RAG1: variants seen among roughly 807,000 people sequenced by gnomAD.
The protein encoded by RAG1 is recombination activating 1, also known as V(D)J recombination-activating protein 1.
Under a neutral mutation model 62.7 loss-of-function variants are expected in RAG1, and 35 were observed. That is an observed-to-expected ratio of 0.56 (90% CI 0.43 to 0.74). RAG1 has a LOEUF of 0.74. Among genes scored for constraint, RAG1 ranks in the 30% least tolerant of loss-of-function variants. The pLI is 0.00. For synonymous variants in RAG1, 461 were observed against 470.3 expected (o/e 0.98, Z 0.26); for missense variants, 1,169 against 1,278.6 (o/e 0.91, Z 1.31).
chr11:36,576,451 T>G lies in RAG1; in HGVS notation c.*15T>G. On this transcript the variant is annotated 3_prime_UTR_variant, in exon 2 of 2. Coordinates refer to ENST00000299440, the MANE Select transcript of RAG1 (RefSeq NM_000448.3). ...TGGAATTTTAAGTAGGGCAACCACT[T>G]ATGAGTTGGTTTTTGCAATTGAGTT... 4.3e-6 allele frequency: 7 copies of G among 1,613,736 alleles called. No individual in the cohort carries two copies. The highest frequency in any genetic ancestry group is 3.3e-5 in the Admixed American group (2 of 60,018).
intron 3 of RAG1, among the ~76,000 whole-genome samples, chr11:36,561,530 G>A (rs776919441): frequency 6.6e-6 from 1 of 152,152 alleles, no homozygotes; most frequent in Non-Finnish European, 1.5e-5. Context: ...CGGTGTGTCT[G>A]TTAGTGTTTT....
At chr11:36,539,609 A>G (rs1725195433), downstream of RAG1, among the ~76,000 whole-genome samples, 1 of 152,078 alleles carries the variant, frequency 6.6e-6, no homozygotes, top group Admixed American at 6.5e-5. Context: ...CTCAGCCTCC[A>G]GAGTGGCTGG....
chr11:36,548,377 C>T (rs764921738), intron 3 of RAG1, among the ~76,000 whole-genome samples: 11 of 151,702 alleles, frequency 7.3e-5, no homozygotes, highest in African/African-American at 2.4e-4. Context: ...TAGAAAACTC[C>T]GTCTCAGCCC....
chr11:36,536,945 A>G (rs1771030480), downstream of RAG1, among the ~76,000 whole-genome samples: 1 of 127,920 alleles, frequency 7.8e-6, no homozygotes, highest in African/African-American at 3.2e-5. Context: ...TTTTTAGTAG[A>G]GACAGGGTTT....
At chr11:36,518,040 C>T (rs1301451667) in intron 1 of RAG1, among the ~76,000 whole-genome samples, 2 of 137,450 alleles carry the variant, frequency 1.5e-5, no homozygotes. Context: ...TTCCTGTGTT[C>T]ATATGTTCTC....
At chr11:36,535,262 AT>A (rs1860310011) in intron 2 of RAG1, among the ~76,000 whole-genome samples, 2 of 152,168 alleles carry the variant, frequency 1.3e-5, no homozygotes, top group Non-Finnish European at 2.9e-5. Context: ...TTTTGTAAAT[AT>A]TCCATGGATT....
chr11:36,528,089 A>G (rs1199528264), intron 2 of RAG1, among the ~76,000 whole-genome samples: 2 of 152,078 alleles, frequency 1.3e-5, no homozygotes, highest in African/African-American at 4.8e-5. Flanking sequence ...CAGATCAATG[A>G]GACAAAAAAT....
intron 3 of RAG1, among the ~76,000 whole-genome samples, chr11:36,562,190 A>G (rs1249588003): frequency 6.6e-6 from 1 of 152,178 alleles, no homozygotes; most frequent in African/African-American, 2.4e-5. Flanking sequence ...ATTGGGCATG[A>G]GGATTTAGAG....
At chr11:36,572,456 T>C (rs1379906127) in intron 1 of RAG1, among the ~76,000 whole-genome samples, 1 of 152,234 alleles carries the variant, frequency 6.6e-6, no homozygotes, top group Non-Finnish European at 1.5e-5. Context: ...TTACAAACTA[T>C]AGTGCTAATG....
intron 3 of RAG1, among the ~76,000 whole-genome samples, chr11:36,544,068 A>C (rs11033690): frequency 0.047 from 7,219 of 152,308 alleles, 259 homozygotes; most frequent in Non-Finnish European, 0.069. Flanking sequence ...TCCACAATTC[A>C]TGAACCAGTA....
chr11:36,576,034 CCAGTA>C lies in RAG1; in HGVS notation c.2735_2739del (p.Tyr912PhefsTer8). On this transcript the variant is annotated frameshift_variant, in exon 2 of 2. Transcript: ENST00000299440. LOFTEE classifies it high-confidence loss of function. ...CTAAAGAGTGCCCAGAATCCCTCTG[CCAGTA>C]CAGTTTCAATTCACAGCGTTTTGCT... The C allele has an allele frequency of 6.2e-7, 1 of 1,614,136 alleles. No individual in the cohort carries two copies. Among genetic ancestry groups the C allele is most frequent in the Non-Finnish European group, 8.5e-7 (1 of 1,180,048 alleles).
chr11:36,527,267 G>A lies in RAG1; in HGVS notation n.428+7038G>A, dbSNP rs755282921. Among the ~76,000 whole-genome samples, 4 of 152,188 alleles carry A rather than the reference G, an allele frequency of 2.6e-5. No individual in the cohort carries two copies. The South Asian group carries it at 8.3e-4, about 32-fold the overall frequency. The stretch of plus-strand genomic sequence containing the variant: ...TCTTGAGTTAATTTTTGTATAAGGT[G>A]TAAGGAAGTGATCCAGTTTCAGCTT... On this transcript the variant is annotated intron_variant and non_coding_transcript_variant, in intron 2 of 2. Coordinates refer to the RAG1 transcript ENST00000529126.
upstream of RAG1, among the ~76,000 whole-genome samples, chr11:36,565,125 G>T (rs914084175): frequency 1.3e-5 from 2 of 152,174 alleles, no homozygotes; most frequent in South Asian, 4.1e-4. Flanking sequence ...CAAGAGTTTT[G>T]CTAGTTAGAG....
At chr11:36,572,338 G>C (rs4151020) in intron 1 of RAG1, among the ~76,000 whole-genome samples, 1 of 152,112 alleles carries the variant, frequency 6.6e-6, no homozygotes, top group Non-Finnish European at 1.5e-5. Flanking sequence ...TTTCTGCATC[G>C]CTAGCGATCT....
At chr11:36,525,497 T>A (rs969546153) in intron 2 of RAG1, among the ~76,000 whole-genome samples, 1 of 152,188 alleles carries the variant, frequency 6.6e-6, no homozygotes, top group African/African-American at 2.4e-5. Context: ...TTCATACTTT[T>A]ACTATATATG....
At chr11:36,540,017 G>A (rs989204041), downstream of RAG1, among the ~76,000 whole-genome samples, 1 of 152,164 alleles carries the variant, frequency 6.6e-6, no homozygotes, top group African/African-American at 2.4e-5. Flanking sequence ...CTTGCAAGCA[G>A]CAGGTTATTG....
At chr11:36,548,034 A>G (rs550632361) in intron 3 of RAG1, among the ~76,000 whole-genome samples, 9 of 152,352 alleles carry the variant, frequency 5.9e-5, no homozygotes, top group East Asian at 5.8e-4. Context: ...CTACATGATT[A>G]TATCAATAGA....
At chr11:36,531,697 A>G (rs996166968) in intron 2 of RAG1, among the ~76,000 whole-genome samples, 2 of 151,882 alleles carry the variant, frequency 1.3e-5, no homozygotes, top group African/African-American at 4.8e-5. Flanking sequence ...AGTCTATTGT[A>G]TTTACTGATA....
chr11:36,570,029 A>G (rs980430041), intron 1 of RAG1, among the ~76,000 whole-genome samples: 3 of 152,314 alleles, frequency 2.0e-5, no homozygotes, highest in Non-Finnish European at 2.9e-5. Context: ...TGTCTGGACC[A>G]TAGTTTATTT....
Sources: allele counts gnomAD v4.1 joint callset (sites outside exome capture counted in the v4.1 genomes callset), GRCh38; gene constraint gnomAD v4.1.1; transcripts MANE v1.5; gene names NCBI Gene and HGNC (gene_info 2026-07-23, HGNC 2026-07-21).